The following KLF8 variants were observed in gnomAD, a reference collection of about 807,000 sequenced individuals.
The protein encoded by KLF8 is KLF transcription factor 8, also known as Krueppel-like factor 8.
A neutral mutation model predicts 18.2 loss-of-function variants in KLF8; 10 were observed. The observed-to-expected ratio is 0.55, with a 90% confidence interval of 0.34 to 0.93. The LOEUF (loss-of-function observed/expected upper bound fraction) is 0.93. Ranked by LOEUF, KLF8 falls within the 40% of genes least tolerant of loss-of-function variation. KLF8 has a pLI of 0.02. For missense variants in KLF8, 264 were observed against 277.9 expected, an observed-to-expected ratio of 0.95 and a Z score of 0.36; for synonymous variants, 109 against 97.3, an observed-to-expected ratio of 1.12 and a Z score of -0.71.
chrX:56,044,618 G>C, the KLF8 span, among the ~76,000 whole-genome samples: 1 of 112,804 alleles, frequency 8.9e-6, no homozygotes, highest in Non-Finnish European at 1.9e-5. Flanking sequence ...CACTGTGGGG[G>C]ACCATCCCTT....
chrX:56,057,688 C>A, the KLF8 span, among the ~76,000 whole-genome samples: 1 of 111,285 alleles, frequency 9.0e-6, no homozygotes, highest in Non-Finnish European at 1.9e-5. Flanking sequence ...TCATGTCAGA[C>A]CAGCCCCATG....
chrX:56,075,116 T>C, the KLF8 span, among the ~76,000 whole-genome samples: 58 of 110,668 alleles, frequency 5.2e-4, no homozygotes, highest in African/African-American at 1.9e-3. Flanking sequence ...TTCAACAATT[T>C]TGTTTTCCCT....
At chrX:56,010,371 CA>C in the KLF8 span, among the ~76,000 whole-genome samples, 9,527 of 111,672 alleles carry the variant, frequency 0.085, 996 homozygotes, top group African/African-American at 0.3. Flanking sequence ...TAAGCTTCAT[CA>C]GCAAAGGAGA....
the KLF8 span, among the ~76,000 whole-genome samples, chrX:55,959,699 A>C: frequency 8.9e-6 from 1 of 111,762 alleles, no homozygotes; most frequent in African/African-American, 3.3e-5. Context: ...AGAATAAAAA[A>C]AGAATAAAAA....
chrX:55,936,965 G>A, the KLF8 span, among the ~76,000 whole-genome samples: 2 of 112,090 alleles, frequency 1.8e-5, no homozygotes, highest in Non-Finnish European at 3.8e-5. Flanking sequence ...ACAGACAAAC[G>A]AAATGCAGCA....
At chrX:56,082,795 G>A in the KLF8 span, among the ~76,000 whole-genome samples, 126 of 111,442 alleles carry the variant, frequency 1.1e-3, no homozygotes, top group African/African-American at 4.1e-3. Context: ...GGGCAGTTTT[G>A]CCAGATGTTG....
the KLF8 span, among the ~76,000 whole-genome samples, chrX:56,043,354 T>C: frequency 9.0e-6 from 1 of 110,985 alleles, no homozygotes; most frequent in Non-Finnish European, 1.9e-5. Context: ...ATGTGAATGT[T>C]TGCCTGTCTT....
the KLF8 span, among the ~76,000 whole-genome samples, chrX:56,173,475 A>T: frequency 8.9e-6 from 1 of 111,872 alleles, no homozygotes; most frequent in Non-Finnish European, 1.9e-5. Flanking sequence ...TTTTGGTACC[A>T]GTACCATACT....
At chrX:55,971,921 G>C in the KLF8 span, among the ~76,000 whole-genome samples, 1 of 110,825 alleles carries the variant, frequency 9.0e-6, no homozygotes, top group Non-Finnish European at 1.9e-5. Flanking sequence ...TGCTGGTGAG[G>C]ATATGGACAA....
the KLF8 span, among the ~76,000 whole-genome samples, chrX:56,217,169 G>GA: frequency 1.8e-5 from 2 of 111,574 alleles, no homozygotes; most frequent in Admixed American, 1.9e-4. Flanking sequence ...GCATAACTAA[G>GA]AAAAAATTAG....
At chrX:56,247,566 CTTATT>C (rs1467742366) in intron 1 of KLF8, among the ~76,000 whole-genome samples, 1 of 111,193 alleles carries the variant, frequency 9.0e-6, no homozygotes. Flanking sequence ...TCTTTGTATT[CTTATT>C]TTATAAGCTT....
the KLF8 span, among the ~76,000 whole-genome samples, chrX:55,994,479 T>A: frequency 9.1e-6 from 1 of 109,818 alleles, no homozygotes; most frequent in South Asian, 3.9e-4. Context: ...TTGGGGTTGA[T>A]TTGGTCTTAT....
At chrX:56,095,677 C>T in the KLF8 span, among the ~76,000 whole-genome samples, 1 of 111,337 alleles carries the variant, frequency 9.0e-6, no homozygotes, top group East Asian at 2.8e-4. Context: ...AAAAGACATA[C>T]GAGTGACTAA....
chrX:56,236,824 G>A (rs1441263642), intron 1 of KLF8, among the ~76,000 whole-genome samples: 3 of 104,974 alleles, frequency 2.9e-5, no homozygotes, highest in Admixed American at 2.1e-4. Context: ...GGGATATTTA[G>A]TGTATATCAA....
chrX:56,225,364 C>T, the KLF8 span, among the ~76,000 whole-genome samples: 1 of 111,265 alleles, frequency 9.0e-6, no homozygotes, highest in Admixed American at 9.6e-5. Context: ...GAGATGGCAT[C>T]CCTGGCCTAG....
At chrX:55,954,382 C>G in the KLF8 span, among the ~76,000 whole-genome samples, 1 of 111,436 alleles carries the variant, frequency 9.0e-6, no homozygotes, top group Admixed American at 9.6e-5. Flanking sequence ...AAAAAATAGA[C>G]AAAGGATTTG....
the KLF8 span, among the ~76,000 whole-genome samples, chrX:56,122,506 C>T: frequency 9.0e-6 from 1 of 111,111 alleles, no homozygotes; most frequent in Non-Finnish European, 1.9e-5. Flanking sequence ...TTGTACAAAC[C>T]TACTTTAAGG....
the KLF8 span, among the ~76,000 whole-genome samples, chrX:56,008,948 C>T: frequency 8.9e-6 from 1 of 112,050 alleles, no homozygotes; most frequent in African/African-American, 3.2e-5. Context: ...CTCTCTGGGA[C>T]AGAGGCCCTA....
At chrX:56,184,293 A>G in the KLF8 span, among the ~76,000 whole-genome samples, 1 of 112,276 alleles carries the variant, frequency 8.9e-6, no homozygotes, top group African/African-American at 3.2e-5. Context: ...CTGAGATCAA[A>G]CTGCAAGGCG....
Sources: allele counts gnomAD v4.1 joint callset (sites outside exome capture counted in the v4.1 genomes callset), GRCh38; gene constraint gnomAD v4.1.1; transcripts MANE v1.5; gene names NCBI Gene and HGNC (gene_info 2026-07-23, HGNC 2026-07-21).